VAV2: variants seen among roughly 807,000 people sequenced by gnomAD.
The protein encoded by VAV2 is guanine nucleotide exchange factor VAV2.
Under a neutral mutation model 132.5 loss-of-function variants are expected in VAV2, and 67 were observed. That is an observed-to-expected ratio of 0.51 (90% CI 0.42 to 0.62). The LOEUF is 0.62. Ranked by LOEUF, VAV2 falls within the 20% of genes least tolerant of loss-of-function variation. The pLI is 0.00. For synonymous variants in VAV2, 492 were observed against 443.5 expected (o/e 1.11, Z -1.37); for missense variants, 938 against 1,153.6 (o/e 0.81, Z 2.71).
In VAV2 at chr9:133,792,416, G is replaced by A. The variant is rs529602045; in HGVS notation, c.1102-547C>T. Among the ~76,000 whole-genome samples the A allele has an allele frequency of 9.5e-4, 143 of 151,086 alleles. 3 individuals are homozygous for A. The South Asian group carries it at 0.028, about 29-fold the overall frequency. Reference sequence around the variant, plus strand: ...GGTGTGTATGTGTATGAGTGATTGTGTGAGAACATGTGTGTCTGAGTGGGC... The same window carrying A: ...GGTGTGTATGTGTATGAGTGATTGTATGAGAACATGTGTGTCTGAGTGGGC... On this transcript the variant is annotated intron_variant, in intron 12 of 29. Transcript: ENST00000371850.
At chr9:133,939,295 C>G (rs1276901617) in intron 1 of VAV2, 76 bp from the exon 2 acceptor site, 4 of 1,289,010 alleles carry the variant, frequency 3.1e-6, no homozygotes, top group Admixed American at 3.4e-5. Flanking sequence ...GTAACAGCAA[C>G]AGCAGCAAGC....
rs528194416 is a variant in VAV2 at position 133,865,196 on chromosome 9, T to C, written c.322-3764A>G. Among the ~76,000 whole-genome samples, 21 of 152,200 alleles carry C rather than the reference T, an allele frequency of 1.4e-4. No homozygotes were observed. The South Asian group carries it at 4.4e-3, about 32-fold the overall frequency. On this transcript the variant is annotated intron_variant, in intron 2 of 29. Coordinates refer to ENST00000371850, the MANE Select transcript of VAV2 (RefSeq NM_001134398.2). ...GCTCACAGTATTTGCAACTTAAACA[T>C]CCACAATCAAAACTCAAGACAGGGC...
intron 2 of VAV2, among the ~76,000 whole-genome samples, chr9:133,866,763 A>G (rs7022973): frequency 0.075 from 11,226 of 148,782 alleles, 1,318 homozygotes; most frequent in African/African-American, 0.26. Flanking sequence ...CCGAGATTGC[A>G]CCACTGCACT....
intron 1 of VAV2, among the ~76,000 whole-genome samples, chr9:133,960,225 C>G (rs1265038762): frequency 6.6e-6 from 1 of 152,202 alleles, no homozygotes; most frequent in Non-Finnish European, 1.5e-5. Flanking sequence ...CCAAAGGCAT[C>G]GCTGCAGGTG....
rs555350896 is a variant in VAV2, at chr9:133,835,072, A to ATATG, written c.381-733_381-732insCATA. ...GGTATAGAAATATATATATATATATAACACATAAACTTTAATCATCTGGGC... is the reference window on the plus strand; with the variant it reads ...GGTATAGAAATATATATATATATATATATGACACATAAACTTTAATCATCTGGGC... On this transcript the variant is annotated intron_variant, in intron 3 of 29. Transcript: ENST00000371850. 8.8e-3 allele frequency among the ~76,000 whole-genome samples: 1,333 copies of ATATG among 152,176 alleles called. 13 individuals are homozygous for ATATG. The highest frequency in any genetic ancestry group is 0.031 in the African/African-American group (1,267 of 41,480).
intron 22 of VAV2, among the ~76,000 whole-genome samples, 200 bp from the exon 23 acceptor site, chr9:133,777,663 C>T (rs1011164823): frequency 1.3e-5 from 2 of 152,088 alleles, no homozygotes; most frequent in Non-Finnish European, 2.9e-5. Context: ...CATGAGAGCA[C>T]TAAGGCCTGG....
chr9:133,806,870 CTT>C lies in VAV2; in HGVS notation c.735+386_735+387del, dbSNP rs532182506. On this transcript the variant is annotated intron_variant, in intron 8 of 29. Transcript: ENST00000371850. The stretch of plus-strand genomic sequence containing the variant: ...CTCTGCTAACCACGTCTAGGTGACT[CTT>C]TGCATGGGGAACTGCCTTTCTATGA... Among the ~76,000 whole-genome samples, 14 of 152,376 alleles carry C rather than the reference CTT, an allele frequency of 9.2e-5. No homozygotes were observed. The East Asian group carries it at 9.6e-4, about 10-fold the overall frequency.
chr9:133,867,130 T>C (rs1837837364), intron 2 of VAV2, among the ~76,000 whole-genome samples: 1 of 152,076 alleles, frequency 6.6e-6, no homozygotes, highest in Non-Finnish European at 1.5e-5. Context: ...GACACGGCCA[T>C]GGGTCTGCTG....
intron 2 of VAV2, among the ~76,000 whole-genome samples, chr9:133,872,818 G>C (rs370960170): frequency 3.0e-4 from 45 of 152,186 alleles, no homozygotes; most frequent in African/African-American, 1.0e-3. Context: ...GGGCAGATGG[G>C]TGGACAGAAA....
intron 4 of VAV2, among the ~76,000 whole-genome samples, chr9:133,819,203 G>C (rs1289930724): frequency 6.6e-6 from 1 of 152,054 alleles, no homozygotes; most frequent in Non-Finnish European, 1.5e-5. Flanking sequence ...CCAGCACTTT[G>C]GGAGGCCGAG....
intron 2 of VAV2, among the ~76,000 whole-genome samples, chr9:133,891,232 C>G (rs998011576): frequency 1.4e-5 from 2 of 145,366 alleles, no homozygotes; most frequent in African/African-American, 5.1e-5. Context: ...AGCTTCTTCT[C>G]CCTCCCTCCC....
At chr9:133,976,432 G>A (rs1404060116) in intron 1 of VAV2, among the ~76,000 whole-genome samples, 1 of 152,196 alleles carries the variant, frequency 6.6e-6, no homozygotes, top group Admixed American at 6.5e-5. Context: ...CGATGGAGGA[G>A]GAGACAGTGA....
chr9:133,798,483 C>T (rs1454609802), intron 9 of VAV2, among the ~76,000 whole-genome samples: 1 of 152,208 alleles, frequency 6.6e-6, no homozygotes, highest in Non-Finnish European at 1.5e-5. Flanking sequence ...CCCTTCAGTG[C>T]CTTGTGCTGG....
chr9:133,871,951 A>C (rs7021948), intron 2 of VAV2, among the ~76,000 whole-genome samples: 30,319 of 152,102 alleles, frequency 0.2, 4,089 homozygotes, highest in African/African-American at 0.39. Context: ...CCATGGGGTC[A>C]TCGCTCCACC....
At chr9:133,986,438 G>A (rs1842857890) in intron 1 of VAV2, among the ~76,000 whole-genome samples, 1 of 152,202 alleles carries the variant, frequency 6.6e-6, no homozygotes, top group African/African-American at 2.4e-5. Flanking sequence ...GCTGCTCTAT[G>A]CTATGAAGGG....
chr9:133,887,923 C>T (rs1477735871), intron 2 of VAV2, among the ~76,000 whole-genome samples: 1 of 152,212 alleles, frequency 6.6e-6, no homozygotes, highest in Non-Finnish European at 1.5e-5. Context: ...CCCTCTTCCA[C>T]GTAGAGCAAC....
At chr9:133,806,228 C>A in intron 8 of VAV2, 47 bp from the exon 9 acceptor site, 2 of 1,575,154 alleles carry the variant, frequency 1.3e-6, no homozygotes, top group South Asian at 1.1e-5. Flanking sequence ...CCACCCAAGG[C>A]TAGACGGGAG....
In VAV2 at chr9:133,788,341, C is replaced by T. The variant is rs374140530; in HGVS notation, c.1407+13G>A. 19 of 1,598,734 alleles carry T rather than the reference C, an allele frequency of 1.2e-5. 1 individual carries two copies. Among genetic ancestry groups the T allele is most frequent in the South Asian group, 3.3e-5 (3 of 90,710 alleles). On this transcript the variant is annotated intron_variant, in intron 15 of 29. Transcript: ENST00000371850. This position sits in a 1 kb window ranked among gnomAD's most constrained non-coding sequence, Gnocchi z 5.3. The stretch of plus-strand genomic sequence containing the variant: ...ACGTTCCTGGGTAGCAGGGGGGACC[C>T]GGAAGGCCCCACCTTCTTGACGTCC...
At chr9:133,878,009 T>C (rs899459044) in intron 2 of VAV2, among the ~76,000 whole-genome samples, 3 of 152,204 alleles carry the variant, frequency 2.0e-5, no homozygotes, top group African/African-American at 7.2e-5. Context: ...GGGAAAGCAC[T>C]TGGCCCCCCG....
Sources: gnomAD v4.1 joint callset for allele counts (sites outside exome capture counted in the v4.1 genomes callset) on GRCh38, gnomAD v4.1.1 for gene constraint, Gnocchi (gnomAD v3.1) non-coding constraint, MANE v1.5 for transcripts, NCBI Gene and HGNC (gene_info 2026-07-23, HGNC 2026-07-21) for gene names.